Variants in CNTN6 observed in about 807,000 individuals in gnomAD.
CNTN6 encodes contactin 6, also known as contactin-6.
In CNTN6, 137 loss-of-function variants were observed where a neutral mutation model predicts 122.8. The observed-to-expected ratio is 1.12, with a 90% CI of 0.97 to 1.29. The LOEUF is 1.29. CNTN6 is among the 50% of genes most tolerant of loss of function. The pLI is 0.00. For missense variants in CNTN6, 1,634 were observed against 1,223.4 expected (o/e 1.34, Z -5.01); for synonymous variants, 570 against 426.0 (o/e 1.34, Z -4.16).
intron 4 of CNTN6, among the ~76,000 whole-genome samples, chr3:1,266,016 A>C (rs553778168): frequency 1.3e-5 from 2 of 151,370 alleles, no homozygotes; most frequent in South Asian, 4.1e-4. Flanking sequence ...ATAAAGTTAA[A>C]GGTGTTTTTT....
intron 2 of CNTN6, among the ~76,000 whole-genome samples, chr3:1,217,389 C>T (rs1243174235): frequency 3.3e-5 from 5 of 152,148 alleles, no homozygotes; most frequent in South Asian, 2.1e-4. Flanking sequence ...ATCAGGTTTA[C>T]GCTTGATGTT....
intron 11 of CNTN6, among the ~76,000 whole-genome samples, chr3:1,330,999 A>G (rs1702214299): frequency 6.6e-6 from 1 of 151,910 alleles, no homozygotes; most frequent in African/African-American, 2.4e-5. Context: ...AGAAAAAAGT[A>G]GCCATAGGAT....
At chr3:1,275,961 T>TG (rs1388587448) in intron 4 of CNTN6, among the ~76,000 whole-genome samples, 1 of 152,194 alleles carries the variant, frequency 6.6e-6, no homozygotes, top group Non-Finnish European at 1.5e-5. Context: ...AGATAGCTCA[T>TG]GGATAATACA....
At chr3:1,148,409 A>G (rs557092336) in intron 2 of CNTN6, among the ~76,000 whole-genome samples, 121 of 151,964 alleles carry the variant, frequency 8.0e-4, no homozygotes, top group Non-Finnish European at 1.4e-3. Flanking sequence ...GTGAATAATT[A>G]TTCTTATTTT....
At chr3:1,245,227 TATATATATACAC>T (rs2094549679) in intron 4 of CNTN6, among the ~76,000 whole-genome samples, 1 of 12,528 alleles carries the variant, frequency 8.0e-5, no homozygotes, top group African/African-American at 4.9e-4. Context: ...TATATATATA[TATATATATACAC>T]ACACACATAT....
At chr3:1,268,051 A>G (rs1463337161) in intron 4 of CNTN6, among the ~76,000 whole-genome samples, 1 of 152,242 alleles carries the variant, frequency 6.6e-6, no homozygotes, top group African/African-American at 2.4e-5. Context: ...ATTGCCCCAA[A>G]GAAATCTCTT....
intron 1 of CNTN6, among the ~76,000 whole-genome samples, chr3:1,106,951 G>A (rs963752734): frequency 1.1e-4 from 17 of 152,036 alleles, no homozygotes; most frequent in African/African-American, 3.6e-4. Context: ...GAAATAGAAC[G>A]AATAGTGCCA....
At chr3:1,190,244 T>C (rs1242977925) in intron 2 of CNTN6, among the ~76,000 whole-genome samples, 3 of 152,086 alleles carry the variant, frequency 2.0e-5, no homozygotes, top group Non-Finnish European at 4.4e-5. Flanking sequence ...TCATGAGGAA[T>C]TCACCCTCAT....
chr3:1,196,445 AAGAAG>A (rs1372473549), intron 2 of CNTN6, among the ~76,000 whole-genome samples: 1 of 152,176 alleles, frequency 6.6e-6, no homozygotes, highest in Non-Finnish European at 1.5e-5. Context: ...GATCCATAAG[AAGAAG>A]AGATTTTTTT....
intron 2 of CNTN6, among the ~76,000 whole-genome samples, chr3:1,155,304 G>A (rs899402943): frequency 2.6e-5 from 4 of 152,174 alleles, no homozygotes; most frequent in South Asian, 4.1e-4. Context: ...CGCATGGTAC[G>A]CACTCAATAA....
At chr3:1,216,531 A>G (rs2094133066) in intron 2 of CNTN6, among the ~76,000 whole-genome samples, 1 of 152,242 alleles carries the variant, frequency 6.6e-6, no homozygotes. Context: ...TGATATAAGA[A>G]AACTCACTCA....
chr3:1,335,367 A>G (rs1051673721), intron 11 of CNTN6, among the ~76,000 whole-genome samples: 1 of 152,206 alleles, frequency 6.6e-6, no homozygotes, highest in African/African-American at 2.4e-5. Context: ...ATTACAGATT[A>G]AGTTTATCTC....
intron 4 of CNTN6, among the ~76,000 whole-genome samples, chr3:1,239,001 A>C (rs11923875): frequency 0.012 from 1,821 of 152,296 alleles, 34 homozygotes; most frequent in African/African-American, 0.039. Flanking sequence ...ATTGAAGGCT[A>C]CTATGAACAC....
At chr3:1,182,589 C>CTAT (rs2093571215) in intron 2 of CNTN6, among the ~76,000 whole-genome samples, 1 of 150,934 alleles carries the variant, frequency 6.6e-6, no homozygotes. Context: ...TGCCCACATT[C>CTAT]TCCTTTTCCT....
At chr3:1,293,151 A>G (rs1303342034) in intron 5 of CNTN6, among the ~76,000 whole-genome samples, 1 of 152,168 alleles carries the variant, frequency 6.6e-6, no homozygotes, top group African/African-American at 2.4e-5. Context: ...TTTTACTGAC[A>G]TCATTTATAA....
At chr3:1,159,144 C>G (rs1473921765) in intron 2 of CNTN6, among the ~76,000 whole-genome samples, 1 of 151,578 alleles carries the variant, frequency 6.6e-6, no homozygotes, top group Admixed American at 6.6e-5. Flanking sequence ...TACTAAGGAA[C>G]TGGATTGTGT....
chr3:1,100,561 G>C (rs758165749), intron 1 of CNTN6, among the ~76,000 whole-genome samples: 1 of 151,928 alleles, frequency 6.6e-6, no homozygotes, highest in African/African-American at 2.4e-5. Context: ...AAAATTCTCA[G>C]CTATTATATA....
chr3:1,364,316 T>G (rs1434566945), intron 12 of CNTN6, among the ~76,000 whole-genome samples: 1 of 151,926 alleles, frequency 6.6e-6, no homozygotes, highest in Non-Finnish European at 1.5e-5. Context: ...TTAATATTGA[T>G]TTCTTAGCAA....
intron 12 of CNTN6, among the ~76,000 whole-genome samples, chr3:1,352,808 T>C (rs1184275743): frequency 6.6e-6 from 1 of 151,792 alleles, no homozygotes; most frequent in Non-Finnish European, 1.5e-5. Flanking sequence ...ATCTTTATTT[T>C]TATTTGAAAT....
Sources: allele counts gnomAD v4.1 joint callset (sites outside exome capture counted in the v4.1 genomes callset), GRCh38; gene constraint gnomAD v4.1.1; transcripts MANE v1.5; gene names NCBI Gene and HGNC (gene_info 2026-07-23, HGNC 2026-07-21).